The following CRX variants were observed in gnomAD, a reference collection of about 807,000 sequenced individuals.
CRX encodes cone-rod homeobox.
CRX carries 5 observed loss-of-function variants against 13.1 expected under a neutral mutation model. The observed-to-expected ratio is 0.38, with a 90% CI of 0.20 to 0.80. CRX has a LOEUF of 0.80. Among genes scored for constraint, CRX ranks in the 30% least tolerant of loss-of-function variants. The probability of loss-of-function intolerance (pLI) is 0.43; values close to 1 mark genes in which losing one functional copy is unlikely to be tolerated. For synonymous variants in CRX, 179 were observed against 171.1 expected, an observed-to-expected ratio of 1.05 and a Z score of -0.36; for missense variants, 351 against 391.8, an observed-to-expected ratio of 0.90 and a Z score of 0.88.
At chr19:47,836,837 G>T (rs1264302895) in intron 3 of CRX, among the ~76,000 whole-genome samples, 1 of 152,094 alleles carries the variant, frequency 6.6e-6, no homozygotes, top group Non-Finnish European at 1.5e-5. Flanking sequence ...TTCCACTGAC[G>T]GACACTCAGA....
rs200629088 is a variant in CRX at position 47,841,592 on chromosome 19, G to A, written c.*1625G>A. The A allele has an allele frequency of 1.5e-5, 2 of 134,800 alleles. No individual in the cohort carries two copies. Among genetic ancestry groups the A allele is most frequent in the African/African-American group, 6.3e-5 (2 of 31,980 alleles). The allele number at this position is 134,800 out of a possible 1,614,324, so 8.4% of individuals were successfully genotyped here. The stretch of plus-strand genomic sequence containing the variant: ...TTAGATTTTTTTTTTTTTTTTTTTG[G>A]TTTTCAGTTTTGATGGTGGGATTGG... On this transcript the variant is annotated 3_prime_UTR_variant, in exon 4 of 4. Coordinates refer to ENST00000221996, the MANE Select transcript of CRX (RefSeq NM_000554.6).
At chr19:47,833,620 C>G (rs1350979580) in intron 1 of CRX, among the ~76,000 whole-genome samples, 1 of 151,886 alleles carries the variant, frequency 6.6e-6, no homozygotes, top group Non-Finnish European at 1.5e-5. Context: ...TTAGGGTGAC[C>G]AACCAATCCA....
rs1968196267 is a variant in CRX at position 47,841,502 on chromosome 19, G to C, written c.*1535G>C. 6.6e-6 allele frequency: 1 copy of C among 151,568 alleles called. No individual in the cohort carries two copies. The highest frequency in any genetic ancestry group is 2.1e-4 in the South Asian group (1 of 4,794). 9.4% of individuals were successfully genotyped at this position (151,568 alleles called of 1,614,324 possible). On this transcript the variant is annotated 3_prime_UTR_variant, in exon 4 of 4. Transcript: ENST00000221996. ...GACTCCCATCTGTAAATAAACAAGAGATAGGAAGAGGGGGAAATAGATTTG... is the reference window on the plus strand; with the variant it reads ...GACTCCCATCTGTAAATAAACAAGACATAGGAAGAGGGGGAAATAGATTTG...
chr19:47,840,044 C>A lies in CRX; in HGVS notation c.*77C>A. The A allele has an allele frequency of 1.9e-6, 3 of 1,563,200 alleles. No individual in the cohort carries two copies. The highest frequency in any genetic ancestry group is 2.6e-6 in the Non-Finnish European group (3 of 1,148,700). On this transcript the variant is annotated 3_prime_UTR_variant, in exon 4 of 4. Coordinates refer to ENST00000221996, the MANE Select transcript of CRX (RefSeq NM_000554.6). ...GAATCTGCTTCCCTGCAGTTTAGAT[C>A]CCGGGATGGCATTCCTGAGAAAGCA... is the stretch of plus-strand genomic sequence containing the variant.
chr19:47,827,267 T>C (rs1318543862), intron 1 of CRX, among the ~76,000 whole-genome samples: 1 of 152,138 alleles, frequency 6.6e-6, no homozygotes, highest in East Asian at 1.9e-4. Flanking sequence ...TCTTTCTGCT[T>C]TTCTCCATGA....
intron 2 of CRX, among the ~76,000 whole-genome samples, chr19:47,835,738 C>T (rs1355177395): frequency 6.6e-6 from 1 of 150,940 alleles, no homozygotes; most frequent in Non-Finnish European, 1.5e-5. Flanking sequence ...TCTCCTCCCT[C>T]AGCCTCCCGA....
chr19:47,830,583 C>G (rs1968032074), intron 1 of CRX, among the ~76,000 whole-genome samples: 2 of 151,952 alleles, frequency 1.3e-5, no homozygotes, highest in Non-Finnish European at 2.9e-5. Context: ...TGCCTGAGGT[C>G]AGGAGTTCGA....
chr19:47,839,970 G>T lies in CRX; in HGVS notation c.*3G>T. On this transcript the variant is annotated 3_prime_UTR_variant, in exon 4 of 4. Transcript: ENST00000221996. The surrounding 1 kb of genome is among the most constrained non-coding windows in gnomAD (Gnocchi z 4.6). ...CCTGGAAGTTTCAGATCTTGTAGAGGACGCAGTCTCCATCTCTCTCCATCG... is the reference window on the plus strand; with the variant it reads ...CCTGGAAGTTTCAGATCTTGTAGAGTACGCAGTCTCCATCTCTCTCCATCG... 6.2e-7 allele frequency: 1 copy of T among 1,612,920 alleles called. No individual in the cohort carries two copies. Among genetic ancestry groups the T allele is most frequent in the South Asian group, 1.1e-5 (1 of 91,084 alleles).
At chr19:47,825,077 G>C (rs1012687420) in intron 1 of CRX, among the ~76,000 whole-genome samples, 19 of 134,382 alleles carry the variant, frequency 1.4e-4, no homozygotes, top group African/African-American at 4.9e-4. Flanking sequence ...TGCAGCCTCC[G>C]CCTCCCGAGT....
At chr19:47,836,511 A>G in intron 3 of CRX, 117 bp downstream of exon 3, 9 of 1,347,830 alleles carry the variant, frequency 6.7e-6, no homozygotes, top group Non-Finnish European at 9.5e-6. Flanking sequence ...AAAGTTATAA[A>G]GGGGACAATA....
chr19:47,839,123 T>A lies in CRX; in HGVS notation c.253-197T>A, dbSNP rs1968157246. On this transcript the variant is annotated intron_variant, in intron 3 of 3. Coordinates refer to ENST00000221996, the MANE Select transcript of CRX (RefSeq NM_000554.6). This position sits in a 1 kb window ranked among gnomAD's most constrained non-coding sequence, Gnocchi z 4.6. ...TGCACATGGGTATGATGTATGCATGTGTTCATGCACACATGCAGGTATGAT... is the reference window on the plus strand; with the variant it reads ...TGCACATGGGTATGATGTATGCATGAGTTCATGCACACATGCAGGTATGAT... 6.6e-6 allele frequency among the ~76,000 whole-genome samples: 1 copy of A among 152,024 alleles called. No individual in the cohort carries two copies. Among genetic ancestry groups the A allele is most frequent in the African/African-American group, 2.4e-5 (1 of 41,356 alleles).
At position 47,832,361 on chromosome 19, in the gene CRX, C is replaced by T. The variant is rs7254022; in HGVS notation, c.-35-2048C>T. ...CCTCTGGTGATCTGCCTGCCTTGGC[C>T]TCCCAAAGTGCTGAAATTACAGGCA... On this transcript the variant is annotated intron_variant, in intron 1 of 3. Coordinates refer to ENST00000221996, the MANE Select transcript of CRX (RefSeq NM_000554.6). Among the ~76,000 whole-genome samples the T allele has an allele frequency of 5.8e-3, 879 of 151,836 alleles. 7 individuals are homozygous for T. The highest frequency in any genetic ancestry group is 0.019 in the African/African-American group (792 of 41,374).
chr19:47,822,299 G>A (rs369947429), intron 1 of CRX, among the ~76,000 whole-genome samples: 3 of 152,168 alleles, frequency 2.0e-5, no homozygotes, highest in East Asian at 3.8e-4. Context: ...AAGCCCTGAC[G>A]GCATCCGGGG....
At chr19:47,838,009 G>A (rs1241577447) in intron 3 of CRX, among the ~76,000 whole-genome samples, 1 of 152,094 alleles carries the variant, frequency 6.6e-6, no homozygotes, top group African/African-American at 2.4e-5. Context: ...ATACACACGT[G>A]TGTATGATTG....
chr19:47,823,261 G>C (rs1285529639), intron 1 of CRX, among the ~76,000 whole-genome samples: 2 of 152,174 alleles, frequency 1.3e-5, no homozygotes, highest in Admixed American at 1.3e-4. Flanking sequence ...AATGAATGAA[G>C]GGCAGAAGGG....
At chr19:47,836,181 C>T (rs1968114826) in intron 2 of CRX, 62 bp from the exon 3 acceptor site, 23 of 1,605,648 alleles carry the variant, frequency 1.4e-5, no homozygotes, top group Non-Finnish European at 1.9e-5. Context: ...CCCACCCAGC[C>T]TCAGGGCCTC....
chr19:47,839,284 C>A lies in CRX; in HGVS notation c.253-36C>A. ...CTGCGGCTCTCCTGGGCCTCTTCCC[C>A]ACTTACCCACCCCCATCTCCGCTCT... On this transcript the variant is annotated intron_variant, in intron 3 of 3. Coordinates refer to ENST00000221996, the MANE Select transcript of CRX (RefSeq NM_000554.6). This position sits in a 1 kb window ranked among gnomAD's most constrained non-coding sequence, Gnocchi z 4.6. 6.2e-7 allele frequency: 1 copy of A among 1,601,352 alleles called. No homozygotes were observed. The highest frequency in any genetic ancestry group is 8.5e-7 in the Non-Finnish European group (1 of 1,174,386).
rs1484584898 is a variant in CRX at position 47,841,412 on chromosome 19, G to A, written c.*1445G>A. On this transcript the variant is annotated 3_prime_UTR_variant, in exon 4 of 4. Transcript: ENST00000221996. ...TAAAGGTGAGACACTGGTGGAACTG[G>A]GGTAGCTGCTTGGGACGTACCACCT... 2 of 152,042 alleles carry A rather than the reference G, an allele frequency of 1.3e-5. No homozygotes were observed. The highest frequency in any genetic ancestry group is 2.9e-5 in the Non-Finnish European group (2 of 68,026). 9.4% of individuals were successfully genotyped at this position (152,042 alleles called of 1,614,324 possible).
chr19:47,838,951 G>A (rs1046853300), intron 3 of CRX, among the ~76,000 whole-genome samples: 6 of 151,752 alleles, frequency 4.0e-5, no homozygotes, highest in Non-Finnish European at 8.8e-5. Context: ...CTGTACGTGT[G>A]CATGTTTGTA....
Sources: gnomAD v4.1 joint callset for allele counts (sites outside exome capture counted in the v4.1 genomes callset) on GRCh38, gnomAD v4.1.1 for gene constraint, Gnocchi (gnomAD v3.1) non-coding constraint, MANE v1.5 for transcripts, NCBI Gene and HGNC (gene_info 2026-07-23, HGNC 2026-07-21) for gene names.